Variants in LY96 observed in about 807,000 individuals in gnomAD.
The protein encoded by LY96 is myeloid differentiation protein-2.
Under a neutral mutation model 18.9 loss-of-function variants are expected in LY96, and 18 were observed. The ratio of observed to expected loss-of-function variants is 0.95; its 90% CI spans 0.66 to 1.41. The LOEUF (loss-of-function observed/expected upper bound fraction) is 1.41. Among genes scored for constraint, LY96 ranks in the 40% most tolerant of loss-of-function variants. The pLI, the probability that LY96 is intolerant of heterozygous loss-of-function variation, is 0.00. For missense variants in LY96, 175 were observed against 182.4 expected (o/e 0.96, Z 0.23); for synonymous variants, 66 against 62.6 (o/e 1.06, Z -0.26).
chr8:74,054,600 T>C, the LY96 span, among the ~76,000 whole-genome samples: 1 of 123,146 alleles, frequency 8.1e-6, no homozygotes, highest in Non-Finnish European at 1.7e-5. Context: ...TCTTTCTTTC[T>C]TTCTTGTTTC....
At chr8:74,095,359 C>T in the LY96 span, among the ~76,000 whole-genome samples, 2 of 152,182 alleles carry the variant, frequency 1.3e-5, no homozygotes, top group Non-Finnish European at 2.9e-5. Context: ...TTGGATGACA[C>T]AGATCTGTCC....
the LY96 span, among the ~76,000 whole-genome samples, chr8:74,057,898 G>A: frequency 4.6e-5 from 7 of 152,184 alleles, no homozygotes; most frequent in Non-Finnish European, 7.3e-5. Context: ...CGGAATAGAA[G>A]GGATAGAAAA....
chr8:74,018,079 A>G lies in LY96; in HGVS notation c.331+7950A>G, dbSNP rs529013514. 1.1e-4 allele frequency among the ~76,000 whole-genome samples: 17 copies of G among 152,324 alleles called. No homozygotes were observed. The South Asian group carries it at 3.5e-3, about 32-fold the overall frequency. ...TTAACCTTAAATATAAATGGGCTAA[A>G]TGCCCCAATTAAAAGACACAGACTG... On this transcript the variant is annotated intron_variant, in intron 3 of 4. Coordinates refer to ENST00000284818, the MANE Select transcript of LY96 (RefSeq NM_015364.5).
intron 1 of LY96, among the ~76,000 whole-genome samples, chr8:73,996,698 C>T (rs916088513): frequency 2.0e-5 from 3 of 151,306 alleles, no homozygotes; most frequent in Admixed American, 6.6e-5. Context: ...GAATTACAGG[C>T]GTGAGCCACT....
chr8:74,026,867 T>C, intron 4 of LY96, 26 bp downstream of exon 4: 2 of 1,176,934 alleles, frequency 1.7e-6, no homozygotes, highest in Non-Finnish European at 2.6e-6. Flanking sequence ...TATTTTGTAC[T>C]GTCTAACCTT....
chr8:73,995,083 G>A (rs755543632), intron 1 of LY96, among the ~76,000 whole-genome samples: 1 of 152,130 alleles, frequency 6.6e-6, no homozygotes, highest in Admixed American at 6.5e-5. Flanking sequence ...TGTCATTATT[G>A]AGGGAGTGAG....
chr8:73,991,580 T>C (rs2131245966), intron 1 of LY96, 26 bp downstream of exon 1: 1 of 1,314,124 alleles, frequency 7.6e-7, no homozygotes, highest in South Asian at 1.2e-5. Flanking sequence ...AAACAAATAA[T>C]TGTAGCATCA....
chr8:74,038,853 G>A, the LY96 span, among the ~76,000 whole-genome samples: 2 of 152,200 alleles, frequency 1.3e-5, no homozygotes, highest in African/African-American at 2.4e-5. Flanking sequence ...CTGATATACT[G>A]ATTTCCTTTC....
chr8:74,028,602 T>G (rs1304555143), intron 4 of LY96, among the ~76,000 whole-genome samples: 1 of 152,240 alleles, frequency 6.6e-6, no homozygotes, highest in Non-Finnish European at 1.5e-5. Flanking sequence ...ATTGTGATTC[T>G]AGATATTTGC....
the LY96 span, among the ~76,000 whole-genome samples, chr8:74,069,896 C>A: frequency 0.058 from 8,775 of 152,182 alleles, 337 homozygotes; most frequent in African/African-American, 0.11. Flanking sequence ...GCCACTGTGC[C>A]CGGCCCATTT....
the LY96 span, among the ~76,000 whole-genome samples, chr8:74,039,803 G>C: frequency 1.3e-5 from 2 of 152,136 alleles, no homozygotes; most frequent in African/African-American, 4.8e-5. Context: ...CAGGAGTACG[G>C]GAGGAACATG....
chr8:74,057,989 C>T, the LY96 span, among the ~76,000 whole-genome samples: 3 of 152,100 alleles, frequency 2.0e-5, no homozygotes, highest in Non-Finnish European at 1.5e-5. Flanking sequence ...TCCAGCCTGC[C>T]GTGATTACCT....
chr8:74,079,373 C>A, the LY96 span, among the ~76,000 whole-genome samples: 2 of 152,196 alleles, frequency 1.3e-5, no homozygotes, highest in South Asian at 4.1e-4. Context: ...AAGTATCTTA[C>A]TAGGTCTATT....
At chr8:74,043,414 G>A in the LY96 span, among the ~76,000 whole-genome samples, 22 of 152,182 alleles carry the variant, frequency 1.4e-4, no homozygotes, top group African/African-American at 4.3e-4. Context: ...GGTAAGATGC[G>A]AGCTTAGACC....
At chr8:74,057,099 A>C in the LY96 span, among the ~76,000 whole-genome samples, 1 of 152,208 alleles carries the variant, frequency 6.6e-6, no homozygotes, top group Non-Finnish European at 1.5e-5. Context: ...CATGCAGAAA[A>C]GCTGTCTTGG....
chr8:74,004,774 A>C, intron 1 of LY96, 22 bp from the exon 2 acceptor site: 1 of 1,532,158 alleles, frequency 6.5e-7, no homozygotes. Flanking sequence ...TAATTTATTG[A>C]CATTATCTTT....
intron 1 of LY96, among the ~76,000 whole-genome samples, chr8:74,002,868 C>T (rs1029105921): frequency 3.9e-5 from 6 of 152,154 alleles, no homozygotes; most frequent in African/African-American, 1.4e-4. Flanking sequence ...GTCACCGTGC[C>T]CAGCCTTCAG....
chr8:74,074,243 A>C, the LY96 span, among the ~76,000 whole-genome samples: 1 of 152,102 alleles, frequency 6.6e-6, no homozygotes, highest in Non-Finnish European at 1.5e-5. Context: ...CAAGTAATCC[A>C]CCTGCCTCAG....
At chr8:73,999,474 G>T (rs1000714341) in intron 1 of LY96, among the ~76,000 whole-genome samples, 1 of 151,994 alleles carries the variant, frequency 6.6e-6, no homozygotes, top group African/African-American at 2.4e-5. Context: ...TGCCCAGGCG[G>T]GTCTTGAATT....
Sources: allele counts gnomAD v4.1 joint callset (sites outside exome capture counted in the v4.1 genomes callset), GRCh38; gene constraint gnomAD v4.1.1; transcripts MANE v1.5; gene names NCBI Gene and HGNC (gene_info 2026-07-23, HGNC 2026-07-21).